BORCS5: variants seen among roughly 807,000 people sequenced by gnomAD.
The protein encoded by BORCS5 is BLOC-1 related complex subunit 5, also known as BLOC-1-related complex subunit 5.
A neutral mutation model predicts 22.1 loss-of-function variants in BORCS5; 17 were observed. The ratio of observed to expected loss-of-function variants is 0.77; its 90% CI spans 0.53 to 1.15. The LOEUF (loss-of-function observed/expected upper bound fraction) is 1.15, where lower values mean the gene tolerates loss of function less well. Among genes scored for constraint, BORCS5 ranks in the 50% most tolerant of loss-of-function variants. The probability of loss-of-function intolerance (pLI) is 0.00; values close to 1 mark genes in which losing one functional copy is unlikely to be tolerated. For synonymous variants in BORCS5, 117 were observed against 99.8 expected, an observed-to-expected ratio of 1.17 and a Z score of -1.03; for missense variants, 247 against 253.2, an observed-to-expected ratio of 0.98 and a Z score of 0.17.
chr12:12,393,000 G>A (rs1330342284), intron 2 of BORCS5, among the ~76,000 whole-genome samples: 1 of 152,062 alleles, frequency 6.6e-6, no homozygotes, highest in Non-Finnish European at 1.5e-5. Context: ...TTAGGAGGCT[G>A]AGGTGGGCGG....
At chr12:12,407,866 C>T (rs1383461651) in intron 2 of BORCS5, among the ~76,000 whole-genome samples, 3 of 151,842 alleles carry the variant, frequency 2.0e-5, no homozygotes, top group Non-Finnish European at 2.9e-5. Context: ...CACACCACCA[C>T]GCCTGGCTAA....
chr12:12,363,705 C>G (rs1052607190), intron 2 of BORCS5, among the ~76,000 whole-genome samples: 2 of 151,812 alleles, frequency 1.3e-5, no homozygotes, highest in African/African-American at 4.8e-5. Flanking sequence ...CCACTGCACT[C>G]CAGCCTGGGT....
chr12:12,427,146 A>G (rs972389483), intron 2 of BORCS5, among the ~76,000 whole-genome samples: 1 of 145,898 alleles, frequency 6.9e-6, no homozygotes, highest in Non-Finnish European at 1.5e-5. Flanking sequence ...AGTTGGGAAG[A>G]TGGTTTTAGA....
chr12:12,462,476 C>CTT (rs1441022443), intron 3 of BORCS5, among the ~76,000 whole-genome samples: 1 of 152,132 alleles, frequency 6.6e-6, no homozygotes, highest in African/African-American at 2.4e-5. Context: ...GAGGGTAGCC[C>CTT]TTAAACCTAG....
intron 3 of BORCS5, among the ~76,000 whole-genome samples, chr12:12,447,380 T>C (rs1942810876): frequency 1.3e-5 from 2 of 152,154 alleles, no homozygotes; most frequent in South Asian, 2.1e-4. Flanking sequence ...TCCTTCCTTA[T>C]GCCTCCCTGG....
intron 2 of BORCS5, among the ~76,000 whole-genome samples, chr12:12,432,417 T>TCTA (rs1942453996): frequency 6.6e-6 from 1 of 152,210 alleles, no homozygotes; most frequent in Admixed American, 6.5e-5. Context: ...ATTTTAGTGG[T>TCTA]CTGTAGCATT....
chr12:12,365,959 G>T (rs1356143595), intron 2 of BORCS5, among the ~76,000 whole-genome samples: 1 of 152,190 alleles, frequency 6.6e-6, no homozygotes, highest in Non-Finnish European at 1.5e-5. Context: ...GTATGAGGTT[G>T]TTTGGGTTTT....
chr12:12,422,385 A>G (rs1942155268), intron 2 of BORCS5, among the ~76,000 whole-genome samples: 3 of 141,428 alleles, frequency 2.1e-5, no homozygotes, highest in Admixed American at 6.8e-5. Flanking sequence ...AGGCCCAGGC[A>G]GGCAGATCAC....
At chr12:12,396,708 A>G (rs1941356700) in intron 2 of BORCS5, among the ~76,000 whole-genome samples, 1 of 152,146 alleles carries the variant, frequency 6.6e-6, no homozygotes, top group African/African-American at 2.4e-5. Context: ...CTGGGTCTGT[A>G]TGTTTAAACT....
chr12:12,393,510 T>C (rs1243906034), intron 2 of BORCS5, among the ~76,000 whole-genome samples: 1 of 151,776 alleles, frequency 6.6e-6, no homozygotes, highest in Non-Finnish European at 1.5e-5. Context: ...CAGGTACTGC[T>C]TTTAAGTGTT....
intron 2 of BORCS5, among the ~76,000 whole-genome samples, chr12:12,414,182 G>A (rs1276829682): frequency 9.5e-5 from 9 of 94,694 alleles, no homozygotes; most frequent in South Asian, 3.3e-4. Flanking sequence ...CTCCCTCCCG[G>A]ATGGGGCGGC....
chr12:12,465,435 G>T, intron 3 of BORCS5, 111 bp from the exon 4 acceptor site: 1 of 935,966 alleles, frequency 1.1e-6, no homozygotes. Context: ...TGTAAAACTT[G>T]TCAGCTTCCA....
chr12:12,399,631 T>C (rs929660279), intron 2 of BORCS5, among the ~76,000 whole-genome samples: 1 of 152,222 alleles, frequency 6.6e-6, no homozygotes, highest in African/African-American at 2.4e-5. Flanking sequence ...ACCACAGATC[T>C]AGAACTTCTA....
At chr12:12,395,032 A>G (rs11054879) in intron 2 of BORCS5, among the ~76,000 whole-genome samples, 41,083 of 151,872 alleles carry the variant, frequency 0.27, 6,645 homozygotes, top group Non-Finnish European at 0.35. Context: ...ATAGGAAACA[A>G]CTGTATATAG....
chr12:12,446,578 T>G (rs1228838586), intron 3 of BORCS5, among the ~76,000 whole-genome samples: 1 of 152,230 alleles, frequency 6.6e-6, no homozygotes, highest in Non-Finnish European at 1.5e-5. Context: ...CTATACTCCT[T>G]TTAAAAACAT....
At position 12,433,348 on chromosome 12, in the gene BORCS5, A is replaced by AT. The variant is rs35052204; in HGVS notation, c.203-2280_203-2279insT. On this transcript the variant is annotated intron_variant, in intron 2 of 3. Coordinates refer to ENST00000314565, the MANE Select transcript of BORCS5 (RefSeq NM_058169.6). ...AAAAAAAAAAAAAAAAAAAAAAAAAAGGAAATCTGCCCGGGTGCAGCGGCA... is the reference window on the plus strand; with the variant it reads ...AAAAAAAAAAAAAAAAAAAAAAAAAATGGAAATCTGCCCGGGTGCAGCGGCA... Among the ~76,000 whole-genome samples the AT allele has an allele frequency of 2.9e-3, 364 of 126,134 alleles. 14 individuals are homozygous for AT. Among genetic ancestry groups the AT allele is most frequent in the Middle Eastern group, 8.4e-3 (2 of 238 alleles). 82.7% of individuals were successfully genotyped at this position (126,134 alleles called of 152,430 possible).
chr12:12,402,194 G>T (rs1036221380), intron 2 of BORCS5, among the ~76,000 whole-genome samples: 2 of 152,110 alleles, frequency 1.3e-5, no homozygotes, highest in Non-Finnish European at 2.9e-5. Flanking sequence ...CAAAATCTTG[G>T]TGCATAAATT....
At chr12:12,361,863 G>C (rs183944226) in intron 2 of BORCS5, among the ~76,000 whole-genome samples, 2 of 151,724 alleles carry the variant, frequency 1.3e-5, no homozygotes, top group East Asian at 3.9e-4. Flanking sequence ...TTTTATATGA[G>C]AGTGTGTGTT....
chr12:12,359,599 T>G (rs1592047364), intron 1 of BORCS5, among the ~76,000 whole-genome samples: 1 of 150,628 alleles, frequency 6.6e-6, no homozygotes, highest in South Asian at 2.1e-4. Flanking sequence ...TGACCTCAAG[T>G]GATCCACCTG....
Sources: allele counts gnomAD v4.1 joint callset (sites outside exome capture counted in the v4.1 genomes callset), GRCh38; gene constraint gnomAD v4.1.1; transcripts MANE v1.5; gene names NCBI Gene and HGNC (gene_info 2026-07-23, HGNC 2026-07-21).